Variants in IGFL2 observed in about 807,000 individuals in gnomAD.
IGFL2 encodes the protein insulin growth factor-like family member 2.
In IGFL2, 7 loss-of-function variants were observed where a neutral mutation model predicts 13.9. That is an observed-to-expected ratio of 0.51 (90% confidence interval 0.29 to 0.95). The LOEUF (loss-of-function observed/expected upper bound fraction) is 0.95, where lower values mean the gene tolerates loss of function less well. IGFL2 is among the 40% of genes least tolerant of loss of function. The pLI is 0.08. For missense variants in IGFL2, 138 were observed against 147.8 expected (o/e 0.93, Z 0.34); for synonymous variants, 55 against 55.8 (o/e 0.99, Z 0.07).
the IGFL2 span, among the ~76,000 whole-genome samples, chr19:46,078,911 T>C: frequency 3.3e-4 from 10 of 30,382 alleles, no homozygotes; most frequent in East Asian, 3.7e-3. Context: ...CGCGCAGGCG[T>C]CGTCAGTAGA....
the IGFL2 span, among the ~76,000 whole-genome samples, chr19:46,089,254 C>T: frequency 1.3e-5 from 2 of 152,092 alleles, no homozygotes; most frequent in Admixed American, 6.5e-5. Flanking sequence ...AACAAAAAAG[C>T]CCACCTCTAC....
At position 46,160,383 on chromosome 19, in the gene IGFL2, C is replaced by T. The variant is rs200425061; in HGVS notation, c.20-32C>T. The stretch of plus-strand genomic sequence containing the variant: ...TCAACCTAGTGGCCACACTTCCAGC[C>T]CCATCCTTAACCTCCTTTCTTTCTC... On this transcript the variant is annotated intron_variant, in intron 1 of 3. Transcript: ENST00000377693. 1.8e-5 allele frequency: 29 copies of T among 1,600,160 alleles called. No individual in the cohort carries two copies. In the Admixed American group the frequency reaches 1.9e-4, roughly 10 times the overall value.
chr19:46,136,498 C>T, the IGFL2 span, among the ~76,000 whole-genome samples: 1 of 152,008 alleles, frequency 6.6e-6, no homozygotes, highest in African/African-American at 2.4e-5. Flanking sequence ...TATTGGGAGC[C>T]ATCTCACATT....
chr19:46,123,954 A>G, the IGFL2 span: 1 of 1,611,542 alleles, frequency 6.2e-7, no homozygotes, highest in Middle Eastern at 1.7e-4. Context: ...TCAACTTCAC[A>G]AGAAACTTCT....
chr19:46,199,582 C>G, the IGFL2 span, among the ~76,000 whole-genome samples: 1 of 152,222 alleles, frequency 6.6e-6, no homozygotes, highest in South Asian at 2.1e-4. Context: ...GTCATGATCT[C>G]CCTCCACTGT....
the IGFL2 span, among the ~76,000 whole-genome samples, chr19:46,201,820 C>G: frequency 6.6e-6 from 1 of 152,044 alleles, no homozygotes; most frequent in Admixed American, 6.5e-5. Flanking sequence ...CAGGAATAGT[C>G]AGGGTAGTGG....
At chr19:46,191,811 C>T in the IGFL2 span, among the ~76,000 whole-genome samples, 13 of 152,280 alleles carry the variant, frequency 8.5e-5, no homozygotes, top group African/African-American at 2.6e-4. Flanking sequence ...CTTCTCCCCC[C>T]ATCATTTGAT....
the IGFL2 span, among the ~76,000 whole-genome samples, chr19:46,130,835 A>G: frequency 1.3e-5 from 2 of 151,968 alleles, no homozygotes; most frequent in Non-Finnish European, 2.9e-5. Flanking sequence ...TATATGGGAG[A>G]TACTAACCTT....
the IGFL2 span, among the ~76,000 whole-genome samples, chr19:46,184,794 A>G: frequency 6.6e-6 from 1 of 152,242 alleles, no homozygotes; most frequent in African/African-American, 2.4e-5. Flanking sequence ...GCTGGGTCAA[A>G]TAGTATTTCT....
chr19:46,125,148 C>T, the IGFL2 span, among the ~76,000 whole-genome samples: 11 of 152,104 alleles, frequency 7.2e-5, no homozygotes, highest in African/African-American at 2.4e-4. Context: ...GTTTATGAAG[C>T]CACTTTATTT....
At chr19:46,174,667 T>C in the IGFL2 span, among the ~76,000 whole-genome samples, 233 of 152,254 alleles carry the variant, frequency 1.5e-3, 1 homozygote, top group African/African-American at 5.0e-3. Context: ...TCCTCACACT[T>C]GATATCCTCT....
chr19:46,186,827 TA>T, the IGFL2 span, among the ~76,000 whole-genome samples: 2 of 152,206 alleles, frequency 1.3e-5, no homozygotes, highest in Admixed American at 1.3e-4. Context: ...AGGCATTGTT[TA>T]GGGGCACAGG....
the IGFL2 span, chr19:46,174,017 G>A: frequency 3.3e-5 from 5 of 152,288 alleles, no homozygotes; most frequent in African/African-American, 1.2e-4. Flanking sequence ...CCATGGACGA[G>A]AACATGCATA....
the IGFL2 span, among the ~76,000 whole-genome samples, chr19:46,133,298 G>T: frequency 1.3e-5 from 2 of 152,286 alleles, no homozygotes; most frequent in East Asian, 3.9e-4. Flanking sequence ...AAAGAGGGCC[G>T]CTTGCTAGCA....
At chr19:46,143,984 T>A (rs564108547), upstream of IGFL2, among the ~76,000 whole-genome samples, 1 of 152,228 alleles carries the variant, frequency 6.6e-6, no homozygotes, top group African/African-American at 2.4e-5. Context: ...TGGGCCCACC[T>A]CTCACCTCTG....
chr19:46,185,720 C>T, the IGFL2 span, among the ~76,000 whole-genome samples: 9 of 152,234 alleles, frequency 5.9e-5, no homozygotes, highest in African/African-American at 1.7e-4. Context: ...TCATTGAGGT[C>T]GTTTTATTAT....
chr19:46,092,536 G>C, the IGFL2 span, among the ~76,000 whole-genome samples: 1 of 152,072 alleles, frequency 6.6e-6, no homozygotes, highest in South Asian at 2.1e-4. Context: ...GGAGGCTAAG[G>C]TGGGAGAATC....
upstream of IGFL2, among the ~76,000 whole-genome samples, chr19:46,144,037 C>G (rs934146773): frequency 3.3e-5 from 5 of 152,228 alleles, no homozygotes; most frequent in African/African-American, 1.2e-4. Flanking sequence ...GAGGCCTTCC[C>G]TGACCACCTT....
At chr19:46,199,891 T>A in the IGFL2 span, among the ~76,000 whole-genome samples, 2 of 152,196 alleles carry the variant, frequency 1.3e-5, no homozygotes, top group African/African-American at 2.4e-5. Flanking sequence ...ATTTTTTTTT[T>A]AATTGAGACG....
Sources: gnomAD v4.1 joint callset for allele counts (sites outside exome capture counted in the v4.1 genomes callset) on GRCh38, gnomAD v4.1.1 for gene constraint, MANE v1.5 for transcripts, NCBI Gene and HGNC (gene_info 2026-07-23, HGNC 2026-07-21) for gene names.